Variants in USP48 observed in about 807,000 individuals in gnomAD.
USP48 encodes ubiquitin carboxyl-terminal hydrolase 48.
Under a neutral mutation model 150.7 loss-of-function variants are expected in USP48, and 43 were observed. The ratio of observed to expected loss-of-function variants is 0.29; its 90% confidence interval spans 0.22 to 0.37. The LOEUF (loss-of-function observed/expected upper bound fraction) is 0.37. Among genes scored for constraint, USP48 ranks in the 10% least tolerant of loss-of-function variants. USP48 has a pLI of 1.00. For synonymous variants in USP48, 396 were observed against 425.9 expected (o/e 0.93, Z 0.86); for missense variants, 813 against 1,249.6 (o/e 0.65, Z 5.27).
intron 23 of USP48, among the ~76,000 whole-genome samples, chr1:21,692,152 C>T (rs2097603840): frequency 6.6e-6 from 1 of 152,100 alleles, no homozygotes. Flanking sequence ...AGAATCTTAC[C>T]TGGATTTTTC....
At chr1:21,765,614 CAA>C (rs11399093) in intron 1 of USP48, among the ~76,000 whole-genome samples, 1 of 143,704 alleles carries the variant, frequency 7.0e-6, no homozygotes, top group African/African-American at 2.6e-5. Flanking sequence ...GAGACTCTGT[CAA>C]AAAAAAAAAG....
intron 8 of USP48, 61 bp from the exon 9 acceptor site, chr1:21,736,686 G>T: frequency 7.6e-7 from 1 of 1,310,670 alleles, no homozygotes; most frequent in Non-Finnish European, 1.0e-6. Flanking sequence ...TATATCCTGA[G>T]CCTGAATTGT....
At chr1:21,724,932 AG>A (rs1254237733) in intron 11 of USP48, 2 of 152,226 alleles carry the variant, frequency 1.3e-5, no homozygotes, top group African/African-American at 4.8e-5. Context: ...AGTGAGTCCC[AG>A]CATAAAACAT....
At chr1:21,682,503 A>C (rs1311138201) in intron 25 of USP48, among the ~76,000 whole-genome samples, 1 of 149,246 alleles carries the variant, frequency 6.7e-6, no homozygotes, top group Non-Finnish European at 1.5e-5. Flanking sequence ...TTCCTATGCT[A>C]TTTCCTCGAC....
At chr1:21,782,580 G>A (rs1344077972) in intron 1 of USP48, among the ~76,000 whole-genome samples, 2 of 152,204 alleles carry the variant, frequency 1.3e-5, no homozygotes, top group Admixed American at 6.5e-5. Flanking sequence ...CATCTCCACC[G>A]CCATCTTCTG....
chr1:21,723,779 A>G, intron 12 of USP48, 119 bp downstream of exon 12: 1 of 842,984 alleles, frequency 1.2e-6, no homozygotes, highest in Non-Finnish European at 1.9e-6. Context: ...TGCAAAGTGT[A>G]AGGAATATTT....
chr1:21,758,062 A>G (rs560317970), intron 1 of USP48, among the ~76,000 whole-genome samples: 6 of 152,184 alleles, frequency 3.9e-5, no homozygotes, highest in Non-Finnish European at 4.4e-5. Context: ...ACAATGCAAA[A>G]TCTCACTCAT....
At chr1:21,705,879 G>A in intron 18 of USP48, 42 bp from the exon 19 acceptor site, 1 of 1,442,858 alleles carries the variant, frequency 6.9e-7, no homozygotes, top group African/African-American at 1.4e-5. Context: ...CCTAATTACT[G>A]CATGACGAAA....
chr1:21,691,351 C>T (rs1399454752), intron 23 of USP48, among the ~76,000 whole-genome samples: 1 of 150,686 alleles, frequency 6.6e-6, no homozygotes, highest in African/African-American at 2.4e-5. Context: ...AAATACTTTC[C>T]AGATGAGTGT....
At position 21,756,710 on chromosome 1, in the gene USP48, A is replaced by T; in HGVS notation, c.256-8T>A. On this transcript the variant is annotated splice_region_variant and splice_polypyrimidine_tract_variant and intron_variant, in intron 2 of 26. Transcript: ENST00000308271. Reference sequence around the variant, plus strand: ...CAGGCCCACAAATGAGTTCTACAAAAATACAAAATTCATAATTATAAAACC... The same window carrying T: ...CAGGCCCACAAATGAGTTCTACAAATATACAAAATTCATAATTATAAAACC... 4 of 1,612,826 alleles carry T rather than the reference A, an allele frequency of 2.5e-6. No individual in the cohort carries two copies. The South Asian group carries it at 4.4e-5, about 18-fold the overall frequency.
At chr1:21,753,586 G>T (rs1425998987) in intron 3 of USP48, among the ~76,000 whole-genome samples, 1 of 152,054 alleles carries the variant, frequency 6.6e-6, no homozygotes, top group Non-Finnish European at 1.5e-5. Context: ...CCGCACTTTG[G>T]GAGGCAGAGG....
chr1:21,764,258 C>T (rs1382469187), intron 1 of USP48, among the ~76,000 whole-genome samples: 4 of 151,758 alleles, frequency 2.6e-5, no homozygotes, highest in African/African-American at 4.8e-5. Context: ...GCCAATATGG[C>T]GAAAACCCAT....
chr1:21,686,273 A>G (rs1186604433), intron 25 of USP48: 1 of 152,202 alleles, frequency 6.6e-6, no homozygotes, highest in Non-Finnish European at 1.5e-5. Flanking sequence ...CAGTTCTTAG[A>G]GGAAAGGCTT....
chr1:21,684,569 T>C (rs558623628), intron 25 of USP48, among the ~76,000 whole-genome samples: 55 of 152,358 alleles, frequency 3.6e-4, no homozygotes, highest in Admixed American at 1.8e-3. Context: ...CATTTGGTTA[T>C]TTTTGGTTTT....
chr1:21,760,812 G>T (rs756111962), intron 1 of USP48, among the ~76,000 whole-genome samples: 57 of 146,986 alleles, frequency 3.9e-4, no homozygotes, highest in Non-Finnish European at 6.8e-4. Flanking sequence ...AAAGGAAGGT[G>T]GGCCAGGCAC....
At chr1:21,712,363 A>C (rs959851579) in intron 15 of USP48, among the ~76,000 whole-genome samples, 1 of 152,208 alleles carries the variant, frequency 6.6e-6, no homozygotes, top group Admixed American at 6.5e-5. Flanking sequence ...CATCTCAAAA[A>C]AAACCAAAAC....
intron 8 of USP48, among the ~76,000 whole-genome samples, chr1:21,746,712 G>A (rs749074683): frequency 5.3e-5 from 8 of 152,152 alleles, no homozygotes; most frequent in Non-Finnish European, 2.9e-5. Flanking sequence ...AAAGTGAATA[G>A]AGGCGCTTGG....
intron 22 of USP48, among the ~76,000 whole-genome samples, chr1:21,696,172 C>T (rs969969237): frequency 6.6e-6 from 1 of 152,232 alleles, no homozygotes; most frequent in Admixed American, 6.5e-5. Context: ...GGCATGGTGG[C>T]TCACGCCTGT....
At chr1:21,748,364 T>C (rs1156375140) in intron 6 of USP48, 93 bp from the exon 7 acceptor site, 1 of 1,214,088 alleles carries the variant, frequency 8.2e-7, no homozygotes, top group African/African-American at 1.5e-5. Flanking sequence ...TCATTTCAGT[T>C]AATAGCTCTC....
Sources: allele counts gnomAD v4.1 joint callset (sites outside exome capture counted in the v4.1 genomes callset), GRCh38; gene constraint gnomAD v4.1.1; transcripts MANE v1.5; gene names NCBI Gene and HGNC (gene_info 2026-07-23, HGNC 2026-07-21).